Variants in STK3 observed in about 807,000 individuals in gnomAD.
STK3 encodes the protein serine/threonine-protein kinase 3.
A neutral mutation model predicts 58.0 loss-of-function variants in STK3; 41 were observed. The ratio of observed to expected loss-of-function variants is 0.71; its 90% confidence interval spans 0.55 to 0.92. STK3 has a LOEUF of 0.92. Ranked by LOEUF, STK3 falls within the 40% of genes least tolerant of loss-of-function variation. The pLI, the probability that STK3 is intolerant of heterozygous loss-of-function variation, is 0.00. For synonymous variants in STK3, 170 were observed against 191.0 expected, an observed-to-expected ratio of 0.89 and a Z score of 0.91; for missense variants, 479 against 602.7, an observed-to-expected ratio of 0.79 and a Z score of 2.15.
At chr8:98,541,614 T>C (rs1466170055) in intron 9 of STK3, among the ~76,000 whole-genome samples, 1 of 152,228 alleles carries the variant, frequency 6.6e-6, no homozygotes, top group African/African-American at 2.4e-5. Context: ...TGGAGTAGAT[T>C]CTGTTTCCTC....
At chr8:98,569,420 A>G (rs1812773090) in intron 8 of STK3, among the ~76,000 whole-genome samples, 1 of 151,990 alleles carries the variant, frequency 6.6e-6, no homozygotes, top group South Asian at 2.1e-4. Flanking sequence ...GCTGCTCAAC[A>G]CTCCTAAAGA....
intron 1 of STK3, among the ~76,000 whole-genome samples, chr8:98,922,200 T>C (rs1029042776): frequency 6.6e-6 from 1 of 152,200 alleles, no homozygotes; most frequent in Admixed American, 6.5e-5. Context: ...TTCCTTCTTC[T>C]TGCTGTGAAT....
chr8:98,594,547 C>T (rs1002391952), intron 7 of STK3, among the ~76,000 whole-genome samples: 1 of 151,676 alleles, frequency 6.6e-6, no homozygotes, highest in Admixed American at 6.6e-5. Context: ...TTGCAGTGAG[C>T]CAGGTGCCAC....
chr8:98,432,814 A>G (rs1383009149), intron 3 of STK3: 1 of 166,848 alleles, frequency 6.0e-6, no homozygotes, highest in African/African-American at 2.4e-5. Context: ...ACTCATTAAC[A>G]CACTACTGTG....
rs566805102 is a variant in STK3 at position 98,824,609 on chromosome 8, C to G, written c.26+906G>C. Among the ~76,000 whole-genome samples the G allele has an allele frequency of 5.9e-5, 9 of 152,296 alleles. No individual in the cohort carries two copies. In the East Asian group the frequency reaches 1.7e-3, roughly 29 times the overall value. ...CTTTTGGAAACTCCTTCACGACCCC[C>G]CCTTTTTTTCACCTGAACAGATGGC... On this transcript the variant is annotated intron_variant, in intron 1 of 10. Transcript: ENST00000419617.
intron 8 of STK3, 21 bp downstream of exon 8, chr8:98,579,643 T>C (rs762811236): frequency 6.3e-7 from 1 of 1,598,138 alleles, no homozygotes. Flanking sequence ...AAAAATCAAC[T>C]TTTTGAAGAT....
chr8:98,514,108 C>G (rs1824738117), intron 10 of STK3, among the ~76,000 whole-genome samples: 1 of 152,126 alleles, frequency 6.6e-6, no homozygotes, highest in Non-Finnish European at 1.5e-5. Flanking sequence ...TCCATGCTGC[C>G]TCCTTCCCCT....
intron 4 of STK3, among the ~76,000 whole-genome samples, chr8:98,709,379 G>C (rs1826216784): frequency 6.6e-6 from 1 of 151,914 alleles, no homozygotes; most frequent in African/African-American, 2.4e-5. Flanking sequence ...GAAAAAAAAA[G>C]ATTAAAATAT....
intron 3 of STK3, among the ~76,000 whole-genome samples, chr8:98,411,017 G>A (rs1186808299): frequency 6.6e-6 from 1 of 152,192 alleles, no homozygotes; most frequent in Non-Finnish European, 1.5e-5. Context: ...CCCCCAGAAA[G>A]TCTGACCAAT....
chr8:98,425,237 T>C (rs571785482), intron 3 of STK3, among the ~76,000 whole-genome samples: 139 of 152,172 alleles, frequency 9.1e-4, no homozygotes, highest in Non-Finnish European at 1.8e-3. Context: ...CAGACCTAGA[T>C]AGAGGCTGCT....
chr8:98,693,926 C>T (rs537382283), intron 6 of STK3, among the ~76,000 whole-genome samples: 5 of 152,204 alleles, frequency 3.3e-5, no homozygotes, highest in East Asian at 3.9e-4. Context: ...TATTAAAAAA[C>T]GGTTAACTAA....
intron 3 of STK3, among the ~76,000 whole-genome samples, chr8:98,409,361 C>A (rs1818030790): frequency 6.6e-6 from 1 of 152,236 alleles, no homozygotes; most frequent in African/African-American, 2.4e-5. Context: ...CTCTGGCTTT[C>A]CTTCTAAGCC....
At chr8:98,723,689 TTAGA>T (rs1163470525) in intron 4 of STK3, among the ~76,000 whole-genome samples, 2 of 152,170 alleles carry the variant, frequency 1.3e-5, no homozygotes, top group African/African-American at 4.8e-5. Flanking sequence ...TTAATACCTA[TTAGA>T]TAGTAAGGAT....
intron 3 of STK3, among the ~76,000 whole-genome samples, chr8:98,394,525 C>T (rs996087281): frequency 6.6e-6 from 1 of 151,896 alleles, no homozygotes; most frequent in Non-Finnish European, 1.5e-5. Flanking sequence ...TAGAAAAAAA[C>T]AAAATAAAAT....
At chr8:98,479,669 A>ATTT in intron 10 of STK3, among the ~76,000 whole-genome samples, 1 of 152,188 alleles carries the variant, frequency 6.6e-6, no homozygotes, top group African/African-American at 2.4e-5. Context: ...TCCACAAGAA[A>ATTT]ACATTTACAA....
chr8:98,677,510 AAAG>A (rs1823314577), intron 6 of STK3, among the ~76,000 whole-genome samples: 1 of 152,038 alleles, frequency 6.6e-6, no homozygotes, highest in Non-Finnish European at 1.5e-5. Flanking sequence ...TAAAGGCAAA[AAAG>A]AAGAAAGAAG....
At chr8:98,425,098 T>C (rs1260641388) in intron 3 of STK3, among the ~76,000 whole-genome samples, 1 of 152,172 alleles carries the variant, frequency 6.6e-6, no homozygotes, top group East Asian at 1.9e-4. Context: ...ATAAATGCAC[T>C]GAAGCACACA....
chr8:98,639,050 A>T (rs539756274), intron 6 of STK3, among the ~76,000 whole-genome samples: 1 of 152,234 alleles, frequency 6.6e-6, no homozygotes, highest in East Asian at 1.9e-4. Flanking sequence ...AGCTGTGAAA[A>T]GGCAATAGTT....
chr8:98,618,316 AAAT>A (rs2130342577), intron 6 of STK3, among the ~76,000 whole-genome samples: 1 of 148,004 alleles, frequency 6.8e-6, no homozygotes, highest in South Asian at 2.2e-4. Flanking sequence ...ACGTATTTCA[AAAT>A]AATAAGAGCT....
Sources: allele counts gnomAD v4.1 joint callset (sites outside exome capture counted in the v4.1 genomes callset), GRCh38; gene constraint gnomAD v4.1.1; transcripts MANE v1.5; gene names NCBI Gene and HGNC (gene_info 2026-07-23, HGNC 2026-07-21).